PITPNM2: variants seen among roughly 807,000 people sequenced by gnomAD.
PITPNM2 encodes the protein phosphatidylinositol transfer protein membrane associated 2, also known as membrane-associated phosphatidylinositol transfer protein 2.
In PITPNM2, 35 loss-of-function variants were observed where a neutral mutation model predicts 132.2. The observed-to-expected ratio is 0.26, with a 90% CI of 0.20 to 0.35. PITPNM2 has a LOEUF of 0.35. Ranked by LOEUF, PITPNM2 falls within the 10% of genes least tolerant of loss-of-function variation. The pLI is 1.00. For synonymous variants in PITPNM2, 738 were observed against 799.2 expected, an observed-to-expected ratio of 0.92 and a Z score of 1.29; for missense variants, 1,332 against 1,912.0, an observed-to-expected ratio of 0.70 and a Z score of 5.66.
intron 3 of PITPNM2, among the ~76,000 whole-genome samples, chr12:123,034,079 C>T (rs1232375931): frequency 6.6e-6 from 1 of 152,162 alleles, no homozygotes; most frequent in Non-Finnish European, 1.5e-5. Context: ...GGAAGAGGGC[C>T]CTCACCAGAA....
At chr12:123,104,730 C>T (rs2042658986) in intron 2 of PITPNM2, among the ~76,000 whole-genome samples, 1 of 152,136 alleles carries the variant, frequency 6.6e-6, no homozygotes. Context: ...CCCGCCTGCA[C>T]CCAGGTGATT....
At chr12:123,076,104 C>T (rs2041777980) in intron 2 of PITPNM2, 1 of 152,296 alleles carries the variant, frequency 6.6e-6, no homozygotes, top group South Asian at 2.1e-4. Flanking sequence ...ACAAAACTAG[C>T]ACATGGCCTC....
chr12:123,014,342 C>T (rs2039336530), intron 3 of PITPNM2, among the ~76,000 whole-genome samples: 1 of 152,212 alleles, frequency 6.6e-6, no homozygotes, highest in African/African-American at 2.4e-5. Flanking sequence ...ACAAGGATGC[C>T]CACTTATTTG....
At chr12:123,119,196 T>G (rs1005122809) in intron 1 of PITPNM2, among the ~76,000 whole-genome samples, 2 of 152,138 alleles carry the variant, frequency 1.3e-5, no homozygotes, top group African/African-American at 4.8e-5. Context: ...TCTCCAATGA[T>G]CTCCTGGGAC....
chr12:123,029,535 G>A (rs1178122757), intron 3 of PITPNM2, among the ~76,000 whole-genome samples: 2 of 152,202 alleles, frequency 1.3e-5, no homozygotes, highest in African/African-American at 4.8e-5. Flanking sequence ...GCAGTGAGCT[G>A]AGATTACACC....
At chr12:123,006,627 C>T (rs916924647) in intron 6 of PITPNM2, among the ~76,000 whole-genome samples, 2 of 151,040 alleles carry the variant, frequency 1.3e-5, no homozygotes, top group Non-Finnish European at 1.5e-5. Flanking sequence ...GTGGGGGGAT[C>T]GCTTGAGCCC....
chr12:123,105,422 C>G (rs1397621669), intron 2 of PITPNM2: 4 of 152,200 alleles, frequency 2.6e-5, no homozygotes, highest in Non-Finnish European at 4.4e-5. Context: ...AATGAAGAGT[C>G]AAGCTATTCA....
chr12:122,991,785 G>T, intron 16 of PITPNM2: 2 of 1,298,956 alleles, frequency 1.5e-6, no homozygotes, highest in Non-Finnish European at 2.0e-6. Context: ...GGCCCGTCTT[G>T]CCAGGTGGGC....
intron 1 of PITPNM2, among the ~76,000 whole-genome samples, chr12:123,113,165 G>A (rs1394090011): frequency 1.3e-5 from 2 of 152,238 alleles, no homozygotes; most frequent in African/African-American, 2.4e-5. Flanking sequence ...TGTGGAAAGT[G>A]TAAGTTCCAA....
rs571340745 is a variant in PITPNM2 at position 123,095,434 on chromosome 12, C to A, written c.-96+14951G>T. ...CATGTGTACATCTCGATTTTACAGG[C>A]TCTGTTAAAGCGCAAAGATCTTTCA... On this transcript the variant is annotated intron_variant, in intron 2 of 25. Coordinates refer to ENST00000320201, the MANE Select transcript of PITPNM2 (RefSeq NM_020845.3). The surrounding 1 kb of genome is among the most constrained non-coding windows in gnomAD (Gnocchi z 5.0). 6.6e-6 allele frequency among the ~76,000 whole-genome samples: 1 copy of A among 152,258 alleles called. No homozygotes were observed. Among genetic ancestry groups the A allele is most frequent in the South Asian group, 2.1e-4 (1 of 4,822 alleles).
intron 3 of PITPNM2, among the ~76,000 whole-genome samples, chr12:123,016,812 G>C (rs1425935393): frequency 1.3e-5 from 2 of 152,140 alleles, no homozygotes. Context: ...TTGGGAGGCT[G>C]AGGTGGCTGG....
chr12:123,118,242 T>G (rs986932505), intron 1 of PITPNM2, among the ~76,000 whole-genome samples: 8 of 152,250 alleles, frequency 5.3e-5, no homozygotes, highest in Non-Finnish European at 8.8e-5. Context: ...TTCTTAGAAC[T>G]ACCAGTCTAG....
intron 8 of PITPNM2, among the ~76,000 whole-genome samples, chr12:123,001,612 C>A (rs980023773): frequency 5.9e-5 from 9 of 152,200 alleles, no homozygotes; most frequent in Admixed American, 2.0e-4. Context: ...GTTTCTGGGG[C>A]TCCTCTATGT....
At chr12:123,136,944 G>GTACA (rs2043395149) in intron 1 of PITPNM2, among the ~76,000 whole-genome samples, 1 of 152,196 alleles carries the variant, frequency 6.6e-6, no homozygotes, top group Non-Finnish European at 1.5e-5. Flanking sequence ...ATATGGAAAT[G>GTACA]TACAGAACAG....
chr12:123,047,680 G>C (rs1223730283), intron 2 of PITPNM2, among the ~76,000 whole-genome samples: 1 of 152,178 alleles, frequency 6.6e-6, no homozygotes, highest in Non-Finnish European at 1.5e-5. Context: ...TAAGGATACA[G>C]GGGACCAAGA....
At chr12:122,998,934 A>G (rs2038540993) in intron 10 of PITPNM2, among the ~76,000 whole-genome samples, 1 of 152,138 alleles carries the variant, frequency 6.6e-6, no homozygotes, top group Non-Finnish European at 1.5e-5. Flanking sequence ...CCAACATAGC[A>G]AAACCGTCTC....
At chr12:123,071,861 A>G (rs1363448337) in intron 2 of PITPNM2, among the ~76,000 whole-genome samples, 1 of 152,124 alleles carries the variant, frequency 6.6e-6, no homozygotes, top group Non-Finnish European at 1.5e-5. Context: ...CTATATGACT[A>G]CCAAGTTTTG....
At chr12:123,115,826 T>C (rs1249739267) in intron 1 of PITPNM2, among the ~76,000 whole-genome samples, 1 of 152,156 alleles carries the variant, frequency 6.6e-6, no homozygotes, top group Non-Finnish European at 1.5e-5. Context: ...GATTATGTAA[T>C]AGGAGGCACC....
intron 2 of PITPNM2, among the ~76,000 whole-genome samples, chr12:123,048,052 T>C (rs2136614664): frequency 6.7e-6 from 1 of 150,204 alleles, no homozygotes; most frequent in East Asian, 2.0e-4. Context: ...TGAGCCGAGA[T>C]TGCACAACTG....
Sources: allele counts gnomAD v4.1 joint callset (sites outside exome capture counted in the v4.1 genomes callset), GRCh38; gene constraint gnomAD v4.1.1; non-coding constraint Gnocchi (gnomAD v3.1); transcripts MANE v1.5; gene names NCBI Gene and HGNC (gene_info 2026-07-23, HGNC 2026-07-21).